ANKRD20A1: variants seen among roughly 807,000 people sequenced by gnomAD.
The protein encoded by ANKRD20A1 is ankyrin repeat domain 20 family member A1.
ANKRD20A1 carries 2 observed loss-of-function variants against 50.9 expected under a neutral mutation model. That is an observed-to-expected ratio of 0.04 (90% CI 0.02 to 0.12). ANKRD20A1 has a LOEUF of 0.12. Among genes scored for constraint, ANKRD20A1 ranks in the 10% least tolerant of loss-of-function variants. The pLI is 1.00. For missense variants in ANKRD20A1, 31 were observed against 548.1 expected, an observed-to-expected ratio of 0.06 and a Z score of 9.42; for synonymous variants, 10 against 186.2, an observed-to-expected ratio of 0.05 and a Z score of 7.70.
At chr9:67,865,259 A>G (rs1207436815) in intron 3 of ANKRD20A1, among the ~76,000 whole-genome samples, 2 of 148,822 alleles carry the variant, frequency 1.3e-5, no homozygotes, top group African/African-American at 5.0e-5. Context: ...TATAGATAGG[A>G]ATTCTTTTAA....
intron 8 of ANKRD20A1, among the ~76,000 whole-genome samples, chr9:67,882,641 C>T (rs1001883648): frequency 7.0e-6 from 1 of 143,684 alleles, no homozygotes; most frequent in Non-Finnish European, 1.5e-5. Context: ...ATACATTACT[C>T]TTTATTATTC....
At chr9:67,885,393 C>T (rs375605633) in intron 9 of ANKRD20A1, among the ~76,000 whole-genome samples, 1,554 of 146,944 alleles carry the variant, frequency 0.011, no homozygotes, top group African/African-American at 0.038. Flanking sequence ...ATTGAGGCAC[C>T]TCACCACACA....
chr9:67,868,023 G>A (rs1213911368), intron 4 of ANKRD20A1, among the ~76,000 whole-genome samples: 2 of 128,584 alleles, frequency 1.6e-5, no homozygotes, highest in South Asian at 2.6e-4. Context: ...TATTATTATT[G>A]TTGTTGTTGT....
chr9:67,881,243 T>C (rs1827789684), intron 8 of ANKRD20A1, among the ~76,000 whole-genome samples: 1 of 140,646 alleles, frequency 7.1e-6, no homozygotes. Flanking sequence ...GTATCTGATT[T>C]AAAAATATAA....
rs1827940291 is a variant in ANKRD20A1, at chr9:67,891,052, T to C, written c.1082-2384T>C. Among the ~76,000 whole-genome samples the C allele has an allele frequency of 2.3e-5, 2 of 86,676 alleles. 1 individual carries two copies. Among genetic ancestry groups the C allele is most frequent in the South Asian group, 7.7e-4 (2 of 2,612 alleles). The allele number at this position is 86,676 out of a possible 152,430, so 56.9% of individuals were successfully genotyped here. On this transcript the variant is annotated intron_variant, in intron 11 of 14. Coordinates refer to ENST00000562196, the MANE Select transcript of ANKRD20A1 (RefSeq NM_032250.5). ...GGCTCGTGCCTGTAATCCCAGCACTTTGGGAGGCTGAGACGGGCAGATAAC... is the reference window on the plus strand; with the variant it reads ...GGCTCGTGCCTGTAATCCCAGCACTCTGGGAGGCTGAGACGGGCAGATAAC...
At chr9:67,883,142 G>A (rs1224397572) in intron 8 of ANKRD20A1, among the ~76,000 whole-genome samples, 2 of 151,632 alleles carry the variant, frequency 1.3e-5, no homozygotes, top group South Asian at 2.1e-4. Flanking sequence ...AATCCTTTGG[G>A]TATATACCCA....
intron 12 of ANKRD20A1, among the ~76,000 whole-genome samples, chr9:67,894,563 G>A (rs1168558520): frequency 2.6e-5 from 3 of 113,864 alleles, no homozygotes; most frequent in Non-Finnish European, 5.8e-5. Flanking sequence ...TTAAGCCAAG[G>A]CAAATTATTT....
intron 13 of ANKRD20A1, among the ~76,000 whole-genome samples, 164 bp downstream of exon 13, chr9:67,897,886 T>C (rs868392890): frequency 0.043 from 2,347 of 54,786 alleles, 2 homozygotes; most frequent in Middle Eastern, 0.11. Context: ...AAGCGATTCT[T>C]CTGACTCAGT....
chr9:67,897,054 AAG>A (rs1208573136), intron 12 of ANKRD20A1, among the ~76,000 whole-genome samples: 1 of 75,370 alleles, frequency 1.3e-5, no homozygotes, highest in Non-Finnish European at 2.8e-5. Context: ...AAAAAAAAAA[AAG>A]AGAGATAAAA....
chr9:67,868,879 T>G (rs1827617592), intron 5 of ANKRD20A1, among the ~76,000 whole-genome samples: 1 of 72,364 alleles, frequency 1.4e-5, no homozygotes, highest in African/African-American at 4.3e-5. Flanking sequence ...TTCCTTTCCT[T>G]TTTTTTTTTT....
intron 8 of ANKRD20A1, among the ~76,000 whole-genome samples, chr9:67,882,346 A>G (rs1172953747): frequency 1.3e-5 from 2 of 150,404 alleles, no homozygotes; most frequent in African/African-American, 4.9e-5. Context: ...TATAAGTAAT[A>G]TAATAAACCT....
At chr9:67,860,005 A>ATT (rs771884192) in intron 1 of ANKRD20A1, among the ~76,000 whole-genome samples, 643 of 28,254 alleles carry the variant, frequency 0.023, 283 homozygotes, top group African/African-American at 0.095. Flanking sequence ...ATATATATAT[A>ATT]TTTTTTTTTC....
At chr9:67,881,061 C>G (rs6423988) in intron 8 of ANKRD20A1, among the ~76,000 whole-genome samples, 4 of 139,682 alleles carry the variant, frequency 2.9e-5, no homozygotes, top group East Asian at 4.7e-4. Flanking sequence ...ATTGTTTTTA[C>G]GAGAGATTGT....
At position 67,859,613 on chromosome 9, in the gene ANKRD20A1, C is replaced by T. The variant is rs1234900909; in HGVS notation, c.187C>T (p.Leu63=). 2 of 632,902 alleles carry T rather than the reference C, an allele frequency of 3.2e-6. No homozygotes were observed. Among genetic ancestry groups the T allele is most frequent in the Admixed American group, 3.2e-5 (1 of 31,132 alleles). The allele number at this position is 632,902 out of a possible 1,614,324, so 39.2% of individuals were successfully genotyped here. ...GCGCAGGAGCGGAGACCTGGACGCC[C>T]TGGACAAGCAGCACAGGTAGCGGGG... The part of the protein sequence containing the change: ...LARRSGDLDA[L]DKQHRTALHL... The change falls in exon 1 of 15, where the codon CTG becomes TTG. Residue 63 remains leucine, a synonymous_variant. Transcript: ENST00000562196.
intron 9 of ANKRD20A1, among the ~76,000 whole-genome samples, chr9:67,884,903 C>CAA (rs1208572209): frequency 2.0e-5 from 3 of 148,160 alleles, no homozygotes; most frequent in Non-Finnish European, 3.0e-5. Flanking sequence ...AAAAACAAAA[C>CAA]AAAAAAAGTC....
Position 67,889,389 on chromosome 9 carries a change from C to T in ANKRD20A1, c.1081+1921C>T, listed in dbSNP as rs1387917694. Reference sequence around the variant, plus strand: ...ATGAAAGCAGTTTTTAATGTATATTCGTTAAAAATTTTTTTGAAGTTTTTG... The same window carrying T: ...ATGAAAGCAGTTTTTAATGTATATTTGTTAAAAATTTTTTTGAAGTTTTTG... On this transcript the variant is annotated intron_variant, in intron 11 of 14. Transcript: ENST00000562196. Among the ~76,000 whole-genome samples the T allele has an allele frequency of 1.5e-4, 13 of 86,326 alleles. 4 individuals are homozygous for T. Among genetic ancestry groups the T allele is most frequent in the Non-Finnish European group, 3.2e-4 (13 of 40,426 alleles). 56.6% of individuals were successfully genotyped at this position (86,326 alleles called of 152,430 possible).
chr9:67,891,290 A>G (rs1363945627), intron 11 of ANKRD20A1, among the ~76,000 whole-genome samples: 2 of 140,756 alleles, frequency 1.4e-5, no homozygotes, highest in East Asian at 4.7e-4. Flanking sequence ...GTGAAACTCC[A>G]TCTCAAACAA....
At chr9:67,865,665 C>T (rs1204155525) in intron 3 of ANKRD20A1, among the ~76,000 whole-genome samples, 1 of 132,798 alleles carries the variant, frequency 7.5e-6, no homozygotes, top group Non-Finnish European at 1.6e-5. Context: ...AATCTGGTGT[C>T]CCCTGAGTTT....
intron 3 of ANKRD20A1, among the ~76,000 whole-genome samples, chr9:67,865,192 C>T (rs1827541331): frequency 6.6e-6 from 1 of 150,606 alleles, no homozygotes; most frequent in South Asian, 2.1e-4. Flanking sequence ...GTTTATAGAA[C>T]TTTAGCATAC....
Sources: allele counts gnomAD v4.1 joint callset (sites outside exome capture counted in the v4.1 genomes callset), GRCh38; gene constraint gnomAD v4.1.1; transcripts MANE v1.5; gene names NCBI Gene and HGNC (gene_info 2026-07-23, HGNC 2026-07-21).